The following MSH4 variants were observed in gnomAD, a reference collection of about 807,000 sequenced individuals.
MSH4 encodes the protein mutS homolog 4, also known as mutS protein homolog 4.
A neutral mutation model predicts 113.7 loss-of-function variants in MSH4; 106 were observed. The ratio of observed to expected loss-of-function variants is 0.93; its 90% CI spans 0.80 to 1.10. The LOEUF (loss-of-function observed/expected upper bound fraction) is 1.10. Among genes scored for constraint, MSH4 ranks in the 50% least tolerant of loss-of-function variants. The pLI is 0.00. For synonymous variants in MSH4, 368 were observed against 380.2 expected, an observed-to-expected ratio of 0.97 and a Z score of 0.37; for missense variants, 1,061 against 1,093.7, an observed-to-expected ratio of 0.97 and a Z score of 0.42.
chr1:75,806,235 G>GTTTT lies in MSH4; in HGVS notation c.428-719_428-716dup, dbSNP rs775023850. ...AATATTTTGATGACTTTTCTGTTTGGTTTTTTTTTTTTTTTTTTTTTTTTT... is the reference window on the plus strand; with the variant it reads ...AATATTTTGATGACTTTTCTGTTTGGTTTTTTTTTTTTTTTTTTTTTTTTTTTTT... On this transcript the variant is annotated intron_variant, in intron 2 of 19. Transcript: ENST00000263187. Among the ~76,000 whole-genome samples the GTTTT allele has an allele frequency of 2.1e-4, 13 of 60,778 alleles. 3 individuals are homozygous for GTTTT. The highest frequency in any genetic ancestry group is 5.4e-4 in the East Asian group (1 of 1,836). The allele number at this position is 60,778 out of a possible 152,430, so 39.9% of individuals were successfully genotyped here.
At chr1:75,850,272 T>C (rs895239912) in intron 8 of MSH4, among the ~76,000 whole-genome samples, 1 of 152,130 alleles carries the variant, frequency 6.6e-6, no homozygotes, top group Admixed American at 6.6e-5. Context: ...CTTTTTTCCT[T>C]CTAATATAAG....
intron 7 of MSH4, among the ~76,000 whole-genome samples, chr1:75,831,856 T>C (rs1440570727): frequency 6.6e-6 from 1 of 152,058 alleles, no homozygotes; most frequent in Non-Finnish European, 1.5e-5. Context: ...ATTGACACCC[T>C]AACATCACAA....
chr1:75,843,601 AG>A (rs1329833787), intron 7 of MSH4, among the ~76,000 whole-genome samples: 1 of 152,186 alleles, frequency 6.6e-6, no homozygotes, highest in African/African-American at 2.4e-5. Context: ...TATGGTTTGT[AG>A]GGCATAACTC....
At chr1:75,859,543 T>G (rs1327714343) in intron 8 of MSH4, among the ~76,000 whole-genome samples, 1 of 152,194 alleles carries the variant, frequency 6.6e-6, no homozygotes, top group Non-Finnish European at 1.5e-5. Flanking sequence ...CAGGAGCAGG[T>G]TGTTCAGTTT....
intron 9 of MSH4, among the ~76,000 whole-genome samples, chr1:75,874,315 G>T (rs538476461): frequency 2.0e-5 from 3 of 152,254 alleles, no homozygotes; most frequent in Non-Finnish European, 4.4e-5. Flanking sequence ...TAGCATCAGT[G>T]AACAGAAGCA....
At position 75,880,151 on chromosome 1, in the gene MSH4, T is replaced by C. The variant is rs764858707; in HGVS notation, c.1779T>C (p.Tyr593=). ...ESLREIYHMT[Y]MIVCKLLSEI... ...TGAGAGAAATCTATCACATGACTTA[T>C]ATGTAAGAGCATTTGAAGTATTTGA... The change falls in exon 13 of 20, where the codon TAT becomes TAC. Residue 593 remains tyrosine, a splice_region_variant and synonymous_variant. Transcript: ENST00000263187. 3 of 1,466,098 alleles carry C rather than the reference T, an allele frequency of 2.0e-6. No homozygotes were observed. Among genetic ancestry groups the C allele is most frequent in the South Asian group, 2.5e-5 (2 of 80,454 alleles). 90.8% of individuals were successfully genotyped at this position (1,466,098 alleles called of 1,614,324 possible).
At chr1:75,816,897 G>T (rs1043116834) in intron 6 of MSH4, among the ~76,000 whole-genome samples, 26 of 152,048 alleles carry the variant, frequency 1.7e-4, no homozygotes, top group Non-Finnish European at 4.4e-5. Context: ...AAAGTGCTGG[G>T]ATTACAGCCG....
chr1:75,808,076 T>A (rs5745341), intron 3 of MSH4, among the ~76,000 whole-genome samples: 2,880 of 152,310 alleles, frequency 0.019, 96 homozygotes, highest in African/African-American at 0.067. Context: ...GTCCTTTTTG[T>A]ACATCATTTA....
At chr1:75,864,049 C>A (rs1285122577) in intron 8 of MSH4, among the ~76,000 whole-genome samples, 2 of 152,154 alleles carry the variant, frequency 1.3e-5, no homozygotes, top group East Asian at 3.8e-4. Flanking sequence ...TTTTAGTAAT[C>A]ATTTCCTTTT....
intron 7 of MSH4, among the ~76,000 whole-genome samples, chr1:75,832,620 G>A (rs574669614): frequency 2.0e-5 from 3 of 152,074 alleles, no homozygotes; most frequent in South Asian, 2.1e-4. Context: ...GGGATGCAAG[G>A]GTGGTTCAAC....
chr1:75,845,127 G>T (rs1269915623), intron 7 of MSH4, among the ~76,000 whole-genome samples: 1 of 152,198 alleles, frequency 6.6e-6, no homozygotes, highest in Non-Finnish European at 1.5e-5. Context: ...TCTCAACAAG[G>T]TTGCACTGAG....
chr1:75,910,608 A>C (rs1342220599), intron 19 of MSH4, among the ~76,000 whole-genome samples: 1 of 151,940 alleles, frequency 6.6e-6, no homozygotes, highest in Non-Finnish European at 1.5e-5. Flanking sequence ...CTTACTAAAT[A>C]TAAAAGTTTC....
chr1:75,890,929 G>A (rs1238612291), intron 17 of MSH4, 105 bp downstream of exon 17: 1 of 1,048,266 alleles, frequency 9.5e-7, no homozygotes, highest in Admixed American at 2.8e-5. Context: ...AAACAATTTA[G>A]ATAGTAAACA....
chr1:75,885,051 G>GTATATATA (rs1217705221), intron 15 of MSH4, among the ~76,000 whole-genome samples: 4 of 113,342 alleles, frequency 3.5e-5, no homozygotes, highest in Admixed American at 9.1e-5. Context: ...GTGTGTGTGT[G>GTATATATA]TGTGTGTGTA....
At position 75,803,832 on chromosome 1, in the gene MSH4, C is replaced by T. The variant is rs1649996251; in HGVS notation, c.346C>T (p.Gln116Ter). Residue 116 changes from glutamine (Q) to a stop codon, truncating the protein, a stop_gained, in exon 2 of 20, where the codon CAA becomes TAA. Coordinates refer to ENST00000263187, the MANE Select transcript of MSH4 (RefSeq NM_002440.4). LOFTEE classifies it high-confidence loss of function. ...SSSARDTNYP[Q>*]TLKTPLSTGN... The stretch of plus-strand genomic sequence containing the variant: ...TTCTGCACGAGATACTAATTATCCT[C>T]AAACACTTAAAACTCCATTGTCTAC... 6.2e-7 allele frequency: 1 copy of T among 1,603,576 alleles called. No homozygotes were observed.
At chr1:75,840,720 T>TA (rs150530397) in intron 7 of MSH4, among the ~76,000 whole-genome samples, 5 of 151,418 alleles carry the variant, frequency 3.3e-5, no homozygotes, top group East Asian at 1.9e-4. Context: ...CTAAACCTTT[T>TA]AAAAAAAACC....
intron 19 of MSH4, among the ~76,000 whole-genome samples, chr1:75,911,447 A>T (rs1248176897): frequency 1.3e-5 from 2 of 152,078 alleles, no homozygotes; most frequent in Non-Finnish European, 2.9e-5. Flanking sequence ...ACTCCATCCT[A>T]TTCAAGCTTT....
intron 7 of MSH4, among the ~76,000 whole-genome samples, chr1:75,825,240 T>C (rs1250060656): frequency 6.6e-6 from 1 of 152,160 alleles, no homozygotes; most frequent in Non-Finnish European, 1.5e-5. Flanking sequence ...GAATGGGAGT[T>C]CACTCATGAT....
intron 17 of MSH4, among the ~76,000 whole-genome samples, chr1:75,893,186 T>C (rs1652296903): frequency 6.6e-6 from 1 of 152,096 alleles, no homozygotes. Flanking sequence ...ACTAAAACAT[T>C]TTAAATAACA....
Sources: allele counts gnomAD v4.1 joint callset (sites outside exome capture counted in the v4.1 genomes callset), GRCh38; gene constraint gnomAD v4.1.1; transcripts MANE v1.5; gene names NCBI Gene and HGNC (gene_info 2026-07-23, HGNC 2026-07-21).